Variants in CRISPLD2 observed in about 807,000 individuals in gnomAD.
CRISPLD2 encodes cysteine rich secretory protein LCCL domain containing 2, also known as cysteine-rich secretory protein LCCL domain-containing 2.
CRISPLD2 carries 47 observed loss-of-function variants against 71.1 expected under a neutral mutation model. The observed-to-expected ratio is 0.66, with a 90% confidence interval of 0.52 to 0.84. CRISPLD2 has a LOEUF of 0.84. CRISPLD2 is among the 40% of genes least tolerant of loss of function. CRISPLD2 has a pLI of 0.00. For synonymous variants in CRISPLD2, 317 were observed against 250.1 expected, an observed-to-expected ratio of 1.27 and a Z score of -2.52; for missense variants, 830 against 651.1, an observed-to-expected ratio of 1.27 and a Z score of -2.99.
intron 3 of CRISPLD2, chr16:84,846,137 T>C (rs1916907968): frequency 2.6e-6 from 1 of 387,894 alleles, no homozygotes; most frequent in South Asian, 6.4e-5. Flanking sequence ...TTAAAGTTTG[T>C]AGTTTGGGTT....
intron 2 of CRISPLD2, chr16:84,839,029 G>A (rs940191422): frequency 2.9e-5 from 15 of 515,900 alleles, no homozygotes; most frequent in South Asian, 7.2e-5. Context: ...GGAACTACAG[G>A]CATGCACCAT....
chr16:84,874,179 C>T lies in CRISPLD2; in HGVS notation c.1156+216C>T, dbSNP rs116638034. On this transcript the variant is annotated intron_variant, in intron 11 of 14. Coordinates refer to ENST00000262424, the MANE Select transcript of CRISPLD2 (RefSeq NM_031476.4). Reference sequence around the variant, plus strand: ...GCCTGAGATCACTGAACCAGAAACACAGGGCTGAGGTTGCCAGCTGAATGT... The same window carrying T: ...GCCTGAGATCACTGAACCAGAAACATAGGGCTGAGGTTGCCAGCTGAATGT... Among the ~76,000 whole-genome samples the T allele has an allele frequency of 5.1e-3, 773 of 152,268 alleles. 8 individuals carry two copies. The highest frequency in any genetic ancestry group is 0.018 in the African/African-American group (744 of 41,548).
chr16:84,884,067 A>G (rs2071591082), intron 13 of CRISPLD2, among the ~76,000 whole-genome samples: 1 of 151,852 alleles, frequency 6.6e-6, no homozygotes, highest in Non-Finnish European at 1.5e-5. Context: ...TTGGTCTCGA[A>G]CTCCTGACCT....
chr16:84,873,043 G>C lies in CRISPLD2; in HGVS notation c.1033G>C (p.Gly345Arg). The change falls in exon 10 of 15, where the codon GGA becomes CGA. Residue 345 changes from glycine (G) to arginine (R), a missense_variant. Physicochemically the swap from Gly to Arg is moderately radical, Grantham distance 125. Coordinates refer to ENST00000262424, the MANE Select transcript of CRISPLD2 (RefSeq NM_031476.4). ...AIHYGILDDK[G>R]GLVDITRNGK... is the part of the protein sequence containing the mutation. ...CCACTACGGGATCCTGGATGACAAG[G>C]GAGGCCTGGTGGATATCACCAGGAA... The C allele has an allele frequency of 6.2e-7, 1 of 1,613,906 alleles. No individual in the cohort carries two copies. The highest frequency in any genetic ancestry group is 8.5e-7 in the Non-Finnish European group (1 of 1,179,944).
chr16:84,857,936 A>T (rs558908618), intron 6 of CRISPLD2, among the ~76,000 whole-genome samples: 3 of 152,288 alleles, frequency 2.0e-5, no homozygotes, highest in Non-Finnish European at 4.4e-5. Context: ...TTATGGCTCG[A>T]TGGGTCAGAA....
rs989596457 is a variant in CRISPLD2 at position 84,908,461 on chromosome 16, A to G, written c.*1819A>G. 3 of 152,280 alleles carry G rather than the reference A, an allele frequency of 2.0e-5. No individual in the cohort carries two copies. The highest frequency in any genetic ancestry group is 4.8e-5 in the African/African-American group (2 of 41,422). 9.4% of individuals were successfully genotyped at this position (152,280 alleles called of 1,614,324 possible). ...TTGTGGCTGTGTCTGTGTCTGCAAGATAAATTAGATCGCCCTGTGGGGTTT... is the reference window on the plus strand; with the variant it reads ...TTGTGGCTGTGTCTGTGTCTGCAAGGTAAATTAGATCGCCCTGTGGGGTTT... On this transcript the variant is annotated 3_prime_UTR_variant, in exon 15 of 15. Coordinates refer to ENST00000262424, the MANE Select transcript of CRISPLD2 (RefSeq NM_031476.4).
At chr16:84,864,291 C>T (rs1917476590) in intron 6 of CRISPLD2, among the ~76,000 whole-genome samples, 1 of 152,204 alleles carries the variant, frequency 6.6e-6, no homozygotes. Flanking sequence ...TTCTACTTTT[C>T]ATTTGTGGGT....
chr16:84,895,589 G>T (rs2071698995), intron 14 of CRISPLD2, among the ~76,000 whole-genome samples: 1 of 152,128 alleles, frequency 6.6e-6, no homozygotes, highest in African/African-American at 2.4e-5. Flanking sequence ...GTGCTAGTCT[G>T]AAACTTTTCC....
intron 6 of CRISPLD2, chr16:84,863,125 C>T (rs926510729): frequency 3.3e-5 from 5 of 152,224 alleles, no homozygotes; most frequent in African/African-American, 4.8e-5. Flanking sequence ...CCTGTCGTCT[C>T]AGCTGCCAGC....
intron 9 of CRISPLD2, 140 bp downstream of exon 9, chr16:84,872,648 G>T (rs2071481429): frequency 1.3e-6 from 1 of 761,176 alleles, no homozygotes; most frequent in Non-Finnish European, 2.2e-6. Flanking sequence ...TGGGGCGGGT[G>T]TATATTTATG....
At chr16:84,898,348 G>A (rs1044380884) in intron 14 of CRISPLD2, among the ~76,000 whole-genome samples, 2 of 152,166 alleles carry the variant, frequency 1.3e-5, no homozygotes, top group East Asian at 1.9e-4. Context: ...CAAGGCCGCA[G>A]CTGCTTCGGC....
intron 5 of CRISPLD2, among the ~76,000 whole-genome samples, chr16:84,851,493 G>A (rs992182068): frequency 7.9e-5 from 12 of 152,370 alleles, no homozygotes; most frequent in African/African-American, 2.9e-4. Context: ...AATGAAATGG[G>A]AATGACCTCA....
intron 1 of CRISPLD2, among the ~76,000 whole-genome samples, chr16:84,831,419 CT>C (rs1314315029): frequency 6.6e-6 from 1 of 151,968 alleles, no homozygotes; most frequent in African/African-American, 2.4e-5. Context: ...ATTTTTTTTC[CT>C]TTTTTCTTTT....
chr16:84,874,482 G>A (rs1157603953), intron 11 of CRISPLD2, among the ~76,000 whole-genome samples: 1 of 152,164 alleles, frequency 6.6e-6, no homozygotes, highest in African/African-American at 2.4e-5. Flanking sequence ...TGCACGATGG[G>A]CGAGCACACT....
chr16:84,848,296 C>T (rs1916971920), intron 3 of CRISPLD2, among the ~76,000 whole-genome samples: 1 of 152,196 alleles, frequency 6.6e-6, no homozygotes, highest in Non-Finnish European at 1.5e-5. Context: ...CGCTTCCAGA[C>T]AGTAATTGTT....
chr16:84,900,778 T>A (rs927763369), intron 14 of CRISPLD2, among the ~76,000 whole-genome samples: 14 of 152,036 alleles, frequency 9.2e-5, no homozygotes, highest in African/African-American at 3.4e-4. Context: ...AAACACGGGC[T>A]CAATGGCTCG....
At chr16:84,847,627 G>C (rs77545546) in intron 3 of CRISPLD2, among the ~76,000 whole-genome samples, 1,850 of 151,686 alleles carry the variant, frequency 0.012, 36 homozygotes, top group African/African-American at 0.041. Flanking sequence ...CTCCAGCCTG[G>C]GTGACAGTGC....
At chr16:84,874,176 A>G (rs2071499302) in intron 11 of CRISPLD2, among the ~76,000 whole-genome samples, 1 of 152,208 alleles carries the variant, frequency 6.6e-6, no homozygotes, top group Non-Finnish European at 1.5e-5. Flanking sequence ...TGAACCAGAA[A>G]CACAGGGCTG....
At chr16:84,829,418 G>A (rs992340823) in intron 1 of CRISPLD2, among the ~76,000 whole-genome samples, 3 of 152,178 alleles carry the variant, frequency 2.0e-5, no homozygotes, top group African/African-American at 7.2e-5. Context: ...CGGGGGGAGT[G>A]GAGTACCCCT....
Sources: allele counts gnomAD v4.1 joint callset (sites outside exome capture counted in the v4.1 genomes callset), GRCh38; gene constraint gnomAD v4.1.1; transcripts MANE v1.5; gene names NCBI Gene and HGNC (gene_info 2026-07-23, HGNC 2026-07-21).